GAP43: variants seen among roughly 807,000 people sequenced by gnomAD.
GAP43 encodes the protein growth associated protein 43.
In GAP43, 6 loss-of-function variants were observed where a neutral mutation model predicts 18.6. The observed-to-expected ratio is 0.32, with a 90% CI of 0.18 to 0.64. The LOEUF (loss-of-function observed/expected upper bound fraction) is 0.64. GAP43 is among the 30% of genes least tolerant of loss of function. The probability of loss-of-function intolerance (pLI) is 0.78; values close to 1 mark genes in which losing one functional copy is unlikely to be tolerated. For synonymous variants in GAP43, 115 were observed against 111.4 expected, an observed-to-expected ratio of 1.03 and a Z score of -0.20; for missense variants, 292 against 295.5, an observed-to-expected ratio of 0.99 and a Z score of 0.09.
intron 1 of GAP43, among the ~76,000 whole-genome samples, chr3:115,640,141 T>C (rs184461951): frequency 7.2e-5 from 11 of 152,174 alleles, no homozygotes; most frequent in African/African-American, 2.6e-4. Flanking sequence ...AAAAATAAAA[T>C]TTAGGAAGGA....
At chr3:115,683,141 G>GCACA (rs1472371618) in intron 2 of GAP43, among the ~76,000 whole-genome samples, 60 of 121,322 alleles carry the variant, frequency 4.9e-4, no homozygotes, top group Non-Finnish European at 8.0e-4. Context: ...GCGTGCGCGC[G>GCACA]CGCGCGCACA....
At chr3:115,716,924 T>C (rs1709516633) in intron 2 of GAP43, among the ~76,000 whole-genome samples, 1 of 151,632 alleles carries the variant, frequency 6.6e-6, no homozygotes, top group South Asian at 2.1e-4. Context: ...GTTGTATGGG[T>C]CACTAAAACC....
Position 115,644,979 on chromosome 3 carries a change from A to G in GAP43, c.30+21260A>G, listed in dbSNP as rs755185389. Reference sequence around the variant, plus strand: ...TTGAGGCAGGGAGCCTAAAGAAGCTATTCAATCTTTTATCTTTCTCCAGGG... The same window carrying G: ...TTGAGGCAGGGAGCCTAAAGAAGCTGTTCAATCTTTTATCTTTCTCCAGGG... On this transcript the variant is annotated intron_variant, in intron 1 of 2. Transcript: ENST00000305124. The surrounding 1 kb of genome is among the most constrained non-coding windows in gnomAD (Gnocchi z 4.2). Among the ~76,000 whole-genome samples the G allele has an allele frequency of 6.6e-6, 1 of 152,048 alleles. No individual in the cohort carries two copies. Among genetic ancestry groups the G allele is most frequent in the Non-Finnish European group, 1.5e-5 (1 of 67,952 alleles).
At chr3:115,675,811 C>A (rs1027760042) in intron 1 of GAP43, among the ~76,000 whole-genome samples, 2 of 144,460 alleles carry the variant, frequency 1.4e-5, no homozygotes, top group Admixed American at 1.4e-4. Flanking sequence ...CTGGAAGGTC[C>A]GAAAGACATT....
At chr3:115,656,936 A>T (rs1431649075) in intron 1 of GAP43, among the ~76,000 whole-genome samples, 1 of 152,216 alleles carries the variant, frequency 6.6e-6, no homozygotes, top group Non-Finnish European at 1.5e-5. Context: ...ATTTCATTAA[A>T]AATGCAAAAA....
Position 115,675,998 on chromosome 3 carries a change from C to A in GAP43, c.31-15C>A, listed in dbSNP as rs1432043022. 3 of 1,582,090 alleles carry A rather than the reference C, an allele frequency of 1.9e-6. No homozygotes were observed. The highest frequency in any genetic ancestry group is 2.4e-5 in the South Asian group (2 of 84,552). Reference sequence around the variant, plus strand: ...TCATTGAAGCCCTCTCTTTTCCCTTCTTTTCTCGACAAAGGTTGAAAAAAA... The same window carrying A: ...TCATTGAAGCCCTCTCTTTTCCCTTATTTTCTCGACAAAGGTTGAAAAAAA... On this transcript the variant is annotated splice_polypyrimidine_tract_variant and intron_variant, in intron 1 of 2. Transcript: ENST00000305124.
intron 1 of GAP43, among the ~76,000 whole-genome samples, chr3:115,651,253 T>C (rs1463290276): frequency 2.6e-5 from 4 of 152,164 alleles, no homozygotes; most frequent in Non-Finnish European, 5.9e-5. Flanking sequence ...GGAGGTGGGG[T>C]TCTGCAACAT....
chr3:115,647,758 C>CAAACA, intron 1 of GAP43, among the ~76,000 whole-genome samples: 1 of 132,138 alleles, frequency 7.6e-6, no homozygotes, highest in Admixed American at 7.7e-5. Context: ...AACAAAAAAA[C>CAAACA]AAAAAAAAAA....
At chr3:115,658,250 G>T (rs1273626065) in intron 1 of GAP43, among the ~76,000 whole-genome samples, 14 of 151,126 alleles carry the variant, frequency 9.3e-5, no homozygotes, top group South Asian at 6.3e-4. Flanking sequence ...AACTTTTTTG[G>T]TTTTTTTTTC....
intron 2 of GAP43, among the ~76,000 whole-genome samples, chr3:115,687,307 A>G (rs1396753650): frequency 1.3e-5 from 2 of 152,176 alleles, no homozygotes; most frequent in Non-Finnish European, 2.9e-5. Context: ...GGATAACTGC[A>G]CCCATATTGA....
chr3:115,698,816 G>C (rs527989811), intron 2 of GAP43, among the ~76,000 whole-genome samples: 1 of 152,166 alleles, frequency 6.6e-6, no homozygotes, highest in African/African-American at 2.4e-5. Context: ...ACAAAATATG[G>C]TTGTACATAT....
chr3:115,628,235 C>A (rs551251288), intron 1 of GAP43, among the ~76,000 whole-genome samples: 1 of 151,886 alleles, frequency 6.6e-6, no homozygotes. Context: ...TGCTCCTCCC[C>A]CCGTGTTTTC....
At chr3:115,690,443 A>T (rs918540281) in intron 2 of GAP43, among the ~76,000 whole-genome samples, 2 of 152,196 alleles carry the variant, frequency 1.3e-5, no homozygotes, top group African/African-American at 4.8e-5. Flanking sequence ...TGAACACCTC[A>T]TAAAGAGACA....
At position 115,697,120 on chromosome 3, in the gene GAP43, T is replaced by A. The variant is rs200053381; in HGVS notation, c.628+20510T>A. On this transcript the variant is annotated intron_variant, in intron 2 of 2. Coordinates refer to ENST00000305124, the MANE Select transcript of GAP43 (RefSeq NM_002045.4). ...TCCCAAAGTGCTGGGATTACAGGCATGAGCCACCACACCCAGCCAATTTTG... is the reference window on the plus strand; with the variant it reads ...TCCCAAAGTGCTGGGATTACAGGCAAGAGCCACCACACCCAGCCAATTTTG... Among the ~76,000 whole-genome samples, 7 of 152,230 alleles carry A rather than the reference T, an allele frequency of 4.6e-5. No individual in the cohort carries two copies. In the East Asian group the frequency reaches 1.4e-3, roughly 29 times the overall value.
chr3:115,667,894 A>G (rs567366540), intron 1 of GAP43, among the ~76,000 whole-genome samples: 1 of 152,292 alleles, frequency 6.6e-6, no homozygotes, highest in East Asian at 1.9e-4. Context: ...TTCCTAGCTC[A>G]CAGTGGCTGC....
At chr3:115,681,189 T>C (rs1266344185) in intron 2 of GAP43, among the ~76,000 whole-genome samples, 1 of 152,250 alleles carries the variant, frequency 6.6e-6, no homozygotes, top group Non-Finnish European at 1.5e-5. Context: ...ATCATTTTTA[T>C]TGGCTTTTCT....
intron 1 of GAP43, among the ~76,000 whole-genome samples, chr3:115,648,243 C>T (rs978153772): frequency 6.6e-6 from 1 of 152,052 alleles, no homozygotes; most frequent in African/African-American, 2.4e-5. Flanking sequence ...TATACCTCAA[C>T]CTTCTTTTCT....
chr3:115,715,329 G>A (rs1012481193), intron 2 of GAP43, among the ~76,000 whole-genome samples: 6 of 152,218 alleles, frequency 3.9e-5, no homozygotes, highest in Non-Finnish European at 7.4e-5. Context: ...TCTACGCTTC[G>A]CCTTGCTGGA....
intron 2 of GAP43, among the ~76,000 whole-genome samples, chr3:115,706,127 A>G (rs824354): frequency 0.45 from 68,252 of 151,870 alleles, 15,917 homozygotes; most frequent in African/African-American, 0.56. Context: ...TTCCTTCATC[A>G]TATGCCTGTC....
Sources: gnomAD v4.1 joint callset for allele counts (sites outside exome capture counted in the v4.1 genomes callset) on GRCh38, gnomAD v4.1.1 for gene constraint, Gnocchi (gnomAD v3.1) non-coding constraint, MANE v1.5 for transcripts, NCBI Gene and HGNC (gene_info 2026-07-23, HGNC 2026-07-21) for gene names.